Variants in TENM4 observed in about 807,000 individuals in gnomAD.
TENM4 encodes teneurin-4.
A neutral mutation model predicts 243.3 loss-of-function variants in TENM4; 82 were observed. That is an observed-to-expected ratio of 0.34 (90% CI 0.28 to 0.40). The LOEUF is 0.40. Among genes scored for constraint, TENM4 ranks in the 10% least tolerant of loss-of-function variants. The pLI, the probability that TENM4 is intolerant of heterozygous loss-of-function variation, is 1.00. For synonymous variants in TENM4, 1,412 were observed against 1,456.3 expected (o/e 0.97, Z 0.69); for missense variants, 3,138 against 3,673.3 (o/e 0.85, Z 3.77).
intron 2 of TENM4, among the ~76,000 whole-genome samples, chr11:79,258,264 T>A (rs904703475): frequency 1.3e-5 from 2 of 152,210 alleles, no homozygotes; most frequent in African/African-American, 4.8e-5. Context: ...GACAACTACA[T>A]CTACATTCTG....
intron 20 of TENM4, among the ~76,000 whole-genome samples, chr11:78,735,021 T>C (rs1465327743): frequency 3.3e-5 from 5 of 152,196 alleles, no homozygotes. Context: ...AAATCCACCA[T>C]GTGGGAATGG....
chr11:78,985,630 T>C (rs541408178), intron 6 of TENM4, among the ~76,000 whole-genome samples: 107 of 152,372 alleles, frequency 7.0e-4, no homozygotes, highest in African/African-American at 2.5e-3. Context: ...TTTTATCTAT[T>C]TATTGATTGG....
At chr11:79,308,650 A>T (rs1332173579) in intron 1 of TENM4, among the ~76,000 whole-genome samples, 1 of 152,200 alleles carries the variant, frequency 6.6e-6, no homozygotes, top group Non-Finnish European at 1.5e-5. Context: ...AGAAGAGGAA[A>T]CTTGAACTCC....
chr11:79,103,179 T>A (rs1203954932), intron 4 of TENM4, among the ~76,000 whole-genome samples: 1 of 152,160 alleles, frequency 6.6e-6, no homozygotes, highest in African/African-American at 2.4e-5. Context: ...TCAGGAAGCT[T>A]TCTTAGGCTC....
intron 1 of TENM4, among the ~76,000 whole-genome samples, chr11:79,350,519 A>T (rs1857396934): frequency 6.7e-6 from 1 of 149,484 alleles, no homozygotes; most frequent in South Asian, 2.1e-4. Context: ...AGCCTCGAAC[A>T]TCTGGACTTC....
chr11:79,294,773 T>C (rs1041494709), intron 2 of TENM4, among the ~76,000 whole-genome samples: 1 of 151,874 alleles, frequency 6.6e-6, no homozygotes. Context: ...CGTTTGAACC[T>C]GGGAGGTAGA....
At chr11:79,279,548 C>T (rs1038154627) in intron 2 of TENM4, among the ~76,000 whole-genome samples, 1 of 152,130 alleles carries the variant, frequency 6.6e-6, no homozygotes, top group African/African-American at 2.4e-5. Flanking sequence ...TCTCTGCCAC[C>T]CAGAGTACCA....
chr11:78,735,278 T>C (rs1855761100), intron 20 of TENM4, among the ~76,000 whole-genome samples: 1 of 152,252 alleles, frequency 6.6e-6, no homozygotes, highest in Admixed American at 6.5e-5. Context: ...GTGGGGTTTA[T>C]TTTGAATCAA....
intron 6 of TENM4, among the ~76,000 whole-genome samples, chr11:79,017,419 C>G (rs900173697): frequency 6.6e-6 from 1 of 152,038 alleles, no homozygotes; most frequent in African/African-American, 2.4e-5. Flanking sequence ...GAAGCAAGTT[C>G]TGATGCAGGG....
intron 19 of TENM4, among the ~76,000 whole-genome samples, chr11:78,739,937 A>AGG (rs752652289): frequency 1.6e-4 from 25 of 152,216 alleles, no homozygotes; most frequent in Non-Finnish European, 3.2e-4. Flanking sequence ...TCACCACTCC[A>AGG]GGTCCCACTC....
rs187311522 is a variant in TENM4, at chr11:78,661,436, G to C, written c.7551+13C>G. ...GAGTGGCCTGAGGAGTGGCAGCCTT[G>C]TGCAGGAATTACCTTGCTGTTGTCC... On this transcript the variant is annotated intron_variant, in intron 33 of 33. Transcript: ENST00000278550. 1.9e-6 allele frequency: 3 copies of C among 1,603,242 alleles called. No individual in the cohort carries two copies. The Admixed American group carries it at 5.1e-5, about 27-fold the overall frequency.
chr11:78,716,466 C>T (rs1859523613), intron 25 of TENM4, among the ~76,000 whole-genome samples: 1 of 152,208 alleles, frequency 6.6e-6, no homozygotes, highest in South Asian at 2.1e-4. Flanking sequence ...GACTGATTAC[C>T]AGTCTCTGCG....
chr11:78,949,761 G>T (rs1409382765), intron 6 of TENM4, among the ~76,000 whole-genome samples: 1 of 152,178 alleles, frequency 6.6e-6, no homozygotes, highest in Non-Finnish European at 1.5e-5. Context: ...GCAATGAAAG[G>T]AACAGCTGGG....
At chr11:79,140,995 C>G in intron 4 of TENM4, among the ~76,000 whole-genome samples, 1 of 152,020 alleles carries the variant, frequency 6.6e-6, no homozygotes, top group African/African-American at 2.4e-5. Flanking sequence ...ACCAAAAGTA[C>G]CAGGTTGCCT....
At chr11:79,310,625 T>G (rs962036059) in intron 1 of TENM4, among the ~76,000 whole-genome samples, 2 of 152,240 alleles carry the variant, frequency 1.3e-5, no homozygotes, top group Non-Finnish European at 2.9e-5. Context: ...TCAATCAAAG[T>G]TGCCCTGTAG....
intron 2 of TENM4, among the ~76,000 whole-genome samples, chr11:79,285,497 C>T (rs1299885932): frequency 6.6e-6 from 1 of 152,144 alleles, no homozygotes; most frequent in Non-Finnish European, 1.5e-5. Context: ...CTAGCAATAT[C>T]ACTGCTAGAT....
Position 79,311,517 on chromosome 11 carries a change from G to A in TENM4, c.-320-13974C>T, listed in dbSNP as rs147709331. Among the ~76,000 whole-genome samples the A allele has an allele frequency of 7.6e-4, 115 of 152,308 alleles. No homozygotes were observed. The East Asian group carries it at 0.02, about 27-fold the overall frequency. On this transcript the variant is annotated intron_variant, in intron 1 of 33. Coordinates refer to ENST00000278550, the MANE Select transcript of TENM4 (RefSeq NM_001098816.3). ...AGGCTTTGCCTCCATCGTACTTTGT[G>A]AATCCTAGTTTGCAGATTGGGCTGA...
intron 6 of TENM4, among the ~76,000 whole-genome samples, chr11:78,906,635 T>C (rs1434335238): frequency 6.6e-6 from 1 of 152,196 alleles, no homozygotes; most frequent in Non-Finnish European, 1.5e-5. Context: ...CTGGGCCAAA[T>C]CCTTTCTATC....
intron 2 of TENM4, among the ~76,000 whole-genome samples, chr11:79,268,200 G>A (rs1855912046): frequency 6.6e-6 from 1 of 152,182 alleles, no homozygotes; most frequent in Non-Finnish European, 1.5e-5. Flanking sequence ...TTTCCCTAAA[G>A]GGCTGGGCTG....
Sources: allele counts gnomAD v4.1 joint callset (sites outside exome capture counted in the v4.1 genomes callset), GRCh38; gene constraint gnomAD v4.1.1; transcripts MANE v1.5; gene names NCBI Gene and HGNC (gene_info 2026-07-23, HGNC 2026-07-21).